TPM4: variants seen among roughly 807,000 people sequenced by gnomAD.
The protein encoded by TPM4 is tropomyosin alpha-4 chain.
A neutral mutation model predicts 35.8 loss-of-function variants in TPM4; 17 were observed. The observed-to-expected ratio is 0.47, with a 90% CI of 0.32 to 0.71. The LOEUF is 0.71. Among genes scored for constraint, TPM4 ranks in the 30% least tolerant of loss-of-function variants. TPM4 has a pLI of 0.03. For synonymous variants in TPM4, 120 were observed against 122.9 expected, an observed-to-expected ratio of 0.98 and a Z score of 0.15; for missense variants, 240 against 320.9, an observed-to-expected ratio of 0.75 and a Z score of 1.93.
upstream of TPM4, among the ~76,000 whole-genome samples, chr19:16,072,115 C>T (rs1046110746): frequency 1.3e-5 from 2 of 152,222 alleles, no homozygotes; most frequent in Non-Finnish European, 2.9e-5. Context: ...CCACTGCGCC[C>T]AGCTCTCATT....
intron 2 of TPM4, among the ~76,000 whole-genome samples, chr19:16,085,898 CT>C (rs1346162113): frequency 6.6e-6 from 1 of 151,480 alleles, no homozygotes; most frequent in African/African-American, 2.4e-5. Context: ...GCGAAACCCC[CT>C]CTCTACTAAA....
intron 1 of TPM4, among the ~76,000 whole-genome samples, chr19:16,077,630 C>G (rs529522393): frequency 1.3e-5 from 2 of 152,326 alleles, no homozygotes; most frequent in South Asian, 2.1e-4. Context: ...GGTATTTGCT[C>G]TCTAGGAGCT....
intron 1 of TPM4, chr19:16,081,187 C>T (rs2090478019): frequency 2.5e-6 from 1 of 396,994 alleles, no homozygotes; most frequent in Non-Finnish European, 4.4e-6. Context: ...TCACTGATGG[C>T]CTTGCTTTCT....
At chr19:16,077,448 C>G (rs908063501) in intron 1 of TPM4, 2 of 152,178 alleles carry the variant, frequency 1.3e-5, no homozygotes, top group Non-Finnish European at 2.9e-5. Context: ...GCGCCTCCGC[C>G]GCGAGTCGCA....
At chr19:16,094,493 G>A (rs1182881772) in intron 7 of TPM4, among the ~76,000 whole-genome samples, 3 of 150,934 alleles carry the variant, frequency 2.0e-5, no homozygotes, top group African/African-American at 7.3e-5. Flanking sequence ...CCAAGATCAC[G>A]CCACAGCTCT....
chr19:16,088,692 C>T (rs2090589288), intron 4 of TPM4: 1 of 1,065,882 alleles, frequency 9.4e-7, no homozygotes, highest in South Asian at 3.1e-5. Context: ...CCATTGCTCT[C>T]TGCCCGCCTT....
chr19:16,082,903 G>A (rs1476351754), intron 2 of TPM4, among the ~76,000 whole-genome samples: 1 of 148,016 alleles, frequency 6.8e-6, no homozygotes, highest in African/African-American at 2.5e-5. Context: ...GAGGTGGGAG[G>A]ATCACTTGAC....
At position 16,070,553 on chromosome 19, in the gene TPM4, T is replaced by C. The variant is rs888746138; in HGVS notation, c.114+2815T>C. Among the ~76,000 whole-genome samples the C allele has an allele frequency of 4.1e-4, 62 of 152,304 alleles. No individual in the cohort carries two copies. Among genetic ancestry groups the C allele is most frequent in the African/African-American group, 8.9e-4 (37 of 41,564 alleles). Reference sequence around the variant, plus strand: ...GCTCAGACTGGCCATGTTTGAGTCATGGCTCAGTCGCTAGGTGTCCCGGAC... The same window carrying C: ...GCTCAGACTGGCCATGTTTGAGTCACGGCTCAGTCGCTAGGTGTCCCGGAC... On this transcript the variant is annotated intron_variant, in intron 2 of 2. Transcript: ENST00000589897. The surrounding 1 kb of genome is among the most constrained non-coding windows in gnomAD (Gnocchi z 7.4).
At chr19:16,091,843 A>C (rs534352162) in intron 5 of TPM4, among the ~76,000 whole-genome samples, 2 of 152,200 alleles carry the variant, frequency 1.3e-5, no homozygotes, top group East Asian at 3.9e-4. Flanking sequence ...CCCCTATAAA[A>C]TGGGATTACA....
intron 5 of TPM4, 114 bp downstream of exon 5, chr19:16,089,234 C>G (rs1173871629): frequency 7.2e-7 from 1 of 1,379,484 alleles, no homozygotes; most frequent in Non-Finnish European, 1.0e-6. Flanking sequence ...TTAACAGTAG[C>G]GTTGGTGCCT....
chr19:16,068,000 A>T lies in TPM4; in HGVS notation c.114+262A>T. The T allele has an allele frequency of 2.1e-6, 1 of 485,396 alleles. No individual in the cohort carries two copies. Among genetic ancestry groups the T allele is most frequent in the Non-Finnish European group, 3.7e-6 (1 of 273,498 alleles). 30.1% of individuals were successfully genotyped at this position (485,396 alleles called of 1,614,324 possible). On this transcript the variant is annotated intron_variant, in intron 2 of 2. Coordinates refer to the TPM4 transcript ENST00000589897. This position sits in a 1 kb window ranked among gnomAD's most constrained non-coding sequence, Gnocchi z 4.1. ...GAGAGAGAGTTGGCGGGGGAGGGAG[A>T]GTGAGAACGTTCGTGAGCGAGGTGT...
chr19:16,092,891 G>C (rs978692261), intron 5 of TPM4: 3 of 152,982 alleles, frequency 2.0e-5, no homozygotes, highest in African/African-American at 7.2e-5. Flanking sequence ...GTCCTGCCCT[G>C]TTGCCCAGGC....
At chr19:16,082,180 A>T in intron 2 of TPM4, 134 bp downstream of exon 2, 1 of 1,229,040 alleles carries the variant, frequency 8.1e-7, no homozygotes, top group Non-Finnish European at 1.1e-6. Context: ...AAAGTGCATG[A>T]CAGCACTTTG....
chr19:16,090,824 A>ATTTTT (rs1017045831), intron 5 of TPM4, among the ~76,000 whole-genome samples: 57 of 123,362 alleles, frequency 4.6e-4, no homozygotes, highest in African/African-American at 1.6e-3. Flanking sequence ...TGTGTGTGTA[A>ATTTTT]TTTTTTTTTT....
At chr19:16,097,562 C>T (rs758044400) in intron 7 of TPM4, among the ~76,000 whole-genome samples, 2 of 152,204 alleles carry the variant, frequency 1.3e-5, no homozygotes, top group Non-Finnish European at 2.9e-5. Flanking sequence ...GTGTGAGCCA[C>T]TGCACCTGGC....
chr19:16,076,582 C>G lies in TPM4; in HGVS notation c.17C>G (p.Ser6Cys). The G allele has an allele frequency of 6.8e-7, 1 of 1,469,374 alleles. No homozygotes were observed. Among genetic ancestry groups the G allele is most frequent in the Non-Finnish European group, 8.9e-7 (1 of 1,117,438 alleles). 91.0% of individuals were successfully genotyped at this position (1,469,374 alleles called of 1,614,324 possible). Residue 6 changes from serine (S) to cysteine (C), a missense_variant, in exon 1 of 8, where the codon TCC (serine) becomes TGC (cysteine). Transcript: ENST00000643579. MAGLN[S>C]LEAVKRKIQA... ...CTCCGCGCCATGGCCGGCCTCAACT[C>G]CCTGGAGGCGGTGAAACGCAAGATC... is the stretch of plus-strand genomic sequence containing the variant.
upstream of TPM4, chr19:16,076,292 C>G: frequency 6.6e-7 from 1 of 1,518,702 alleles, no homozygotes; most frequent in Admixed American, 2.5e-5. Context: ...CGCCTCCCAG[C>G]GCTTTCTCCA....
At chr19:16,099,853 G>T (rs996050418) in intron 7 of TPM4, 4 of 151,936 alleles carry the variant, frequency 2.6e-5, no homozygotes, top group Non-Finnish European at 4.4e-5. Flanking sequence ...TTAATAACAT[G>T]CCTGTAGAAT....
At chr19:16,089,173 TCTC>T in intron 5 of TPM4, 53 bp downstream of exon 5, 1 of 1,608,592 alleles carries the variant, frequency 6.2e-7, no homozygotes. Flanking sequence ...GTTCTTTTCT[TCTC>T]CCGAGGGATG....
Sources: allele counts gnomAD v4.1 joint callset (sites outside exome capture counted in the v4.1 genomes callset), GRCh38; gene constraint gnomAD v4.1.1; non-coding constraint Gnocchi (gnomAD v3.1); transcripts MANE v1.5; gene names NCBI Gene and HGNC (gene_info 2026-07-23, HGNC 2026-07-21).